The following SV2C variants were observed in gnomAD, a reference collection of about 807,000 sequenced individuals.
SV2C encodes the protein synaptic vesicle glycoprotein 2C.
In SV2C, 49 loss-of-function variants were observed where a neutral mutation model predicts 79.7. The observed-to-expected ratio is 0.61, with a 90% CI of 0.49 to 0.78. The LOEUF is 0.78. SV2C is among the 30% of genes least tolerant of loss of function. The pLI is 0.00. For missense variants in SV2C, 833 were observed against 912.9 expected, an observed-to-expected ratio of 0.91 and a Z score of 1.13; for synonymous variants, 334 against 333.2, an observed-to-expected ratio of 1.00 and a Z score of -0.03.
the SV2C span, among the ~76,000 whole-genome samples, chr5:75,890,392 G>C: frequency 8.5e-5 from 13 of 152,206 alleles, no homozygotes; most frequent in South Asian, 2.5e-3. Context: ...GCAGAGTGGG[G>C]ACAAAGCCTA....
the SV2C span, among the ~76,000 whole-genome samples, chr5:76,015,590 C>T: frequency 6.6e-6 from 1 of 152,022 alleles, no homozygotes; most frequent in African/African-American, 2.4e-5. Context: ...TATTTATGAA[C>T]TAATTGTTTT....
the SV2C span, among the ~76,000 whole-genome samples, chr5:76,041,557 G>A: frequency 6.6e-6 from 1 of 152,154 alleles, no homozygotes; most frequent in Non-Finnish European, 1.5e-5. Context: ...GGAATTCTGG[G>A]ATCCCAGGTA....
At chr5:75,991,738 T>A in the SV2C span, among the ~76,000 whole-genome samples, 65 of 151,502 alleles carry the variant, frequency 4.3e-4, 1 homozygote, top group Non-Finnish European at 8.1e-4. Flanking sequence ...TAATCTGGAA[T>A]GTATTTTTGT....
At chr5:76,353,833 G>C (rs1447497226) in exon 13 of SV2C, 1 of 152,094 alleles carries the variant, frequency 6.6e-6, no homozygotes, top group Non-Finnish European at 1.5e-5. Flanking sequence ...AACTTGCATA[G>C]CCCTCATCAT....
chr5:76,004,577 T>C, the SV2C span, among the ~76,000 whole-genome samples: 7 of 152,084 alleles, frequency 4.6e-5, no homozygotes, highest in Non-Finnish European at 8.8e-5. Flanking sequence ...TTGGGGCTTG[T>C]ACTAATCAAA....
chr5:76,045,550 A>G, the SV2C span, among the ~76,000 whole-genome samples: 1 of 152,038 alleles, frequency 6.6e-6, no homozygotes, highest in Non-Finnish European at 1.5e-5. Flanking sequence ...CATGAGCCTC[A>G]TTTTATTTTT....
the SV2C span, among the ~76,000 whole-genome samples, chr5:75,956,158 A>G: frequency 2.1e-5 from 3 of 144,160 alleles, no homozygotes; most frequent in East Asian, 6.0e-4. Context: ...AATGTCCAAC[A>G]ATGATAGACT....
chr5:76,055,104 T>A, the SV2C span, among the ~76,000 whole-genome samples: 3 of 152,258 alleles, frequency 2.0e-5, 1 homozygote, highest in South Asian at 6.2e-4. Context: ...ATTGCCTAGG[T>A]TTTCTTCTAG....
chr5:76,196,875 CA>C (rs1469448966), intron 3 of SV2C, among the ~76,000 whole-genome samples: 2 of 152,186 alleles, frequency 1.3e-5, no homozygotes, highest in Non-Finnish European at 2.9e-5. Context: ...GAAAAAGGTC[CA>C]CTGTGGTGGC....
At chr5:75,936,797 G>A in the SV2C span, among the ~76,000 whole-genome samples, 94 of 152,210 alleles carry the variant, frequency 6.2e-4, 2 homozygotes, top group East Asian at 0.017. Flanking sequence ...TAGTCTTTAC[G>A]GCAAACCCAA....
chr5:76,274,581 T>C (rs939807688), intron 4 of SV2C, among the ~76,000 whole-genome samples: 4 of 152,140 alleles, frequency 2.6e-5, no homozygotes, highest in Non-Finnish European at 5.9e-5. Flanking sequence ...CCAATAGTTA[T>C]ATGATATTCC....
intron 1 of SV2C, among the ~76,000 whole-genome samples, chr5:76,091,458 C>G (rs998997472): frequency 5.3e-5 from 8 of 152,242 alleles, no homozygotes; most frequent in African/African-American, 1.9e-4. Context: ...CTGCCTCTCA[C>G]TGCCCAGAAT....
chr5:76,050,133 G>A, the SV2C span, among the ~76,000 whole-genome samples: 10 of 152,216 alleles, frequency 6.6e-5, no homozygotes, highest in Non-Finnish European at 1.5e-4. Context: ...CCAACACATA[G>A]TAAGCATTTG....
the SV2C span, among the ~76,000 whole-genome samples, chr5:75,914,211 T>G: frequency 6.6e-6 from 1 of 152,196 alleles, no homozygotes; most frequent in African/African-American, 2.4e-5. Flanking sequence ...AGTGTAGAAC[T>G]CTTCTAGAGT....
At chr5:76,114,322 C>T (rs773001592) in intron 1 of SV2C, among the ~76,000 whole-genome samples, 4 of 152,074 alleles carry the variant, frequency 2.6e-5, no homozygotes, top group Non-Finnish European at 4.4e-5. Flanking sequence ...TAAACAAAGG[C>T]GGCTGCTTTT....
At chr5:75,931,375 T>C in the SV2C span, among the ~76,000 whole-genome samples, 3 of 152,342 alleles carry the variant, frequency 2.0e-5, no homozygotes, top group East Asian at 5.8e-4. Context: ...AGTCTCAGTC[T>C]TCCTGTCTAT....
At chr5:76,212,724 C>A (rs556041654) in intron 4 of SV2C, among the ~76,000 whole-genome samples, 3 of 152,122 alleles carry the variant, frequency 2.0e-5, no homozygotes, top group African/African-American at 7.2e-5. Flanking sequence ...CCACCAAGCC[C>A]GGGCATGACT....
At chr5:76,162,444 A>G (rs1742923397) in intron 2 of SV2C, among the ~76,000 whole-genome samples, 1 of 152,196 alleles carries the variant, frequency 6.6e-6, no homozygotes, top group African/African-American at 2.4e-5. Flanking sequence ...GTACTTATTC[A>G]TCTGGGCTTT....
chr5:75,971,430 C>T, the SV2C span, among the ~76,000 whole-genome samples: 471 of 152,160 alleles, frequency 3.1e-3, 5 homozygotes, highest in African/African-American at 9.9e-3. Flanking sequence ...AAAACCCCAT[C>T]GTCTCAGCCC....
Sources: allele counts gnomAD v4.1 joint callset (sites outside exome capture counted in the v4.1 genomes callset), GRCh38; gene constraint gnomAD v4.1.1; transcripts MANE v1.5; gene names NCBI Gene and HGNC (gene_info 2026-07-23, HGNC 2026-07-21).